Variants in HMGB1 observed in about 807,000 individuals in gnomAD.
The protein encoded by HMGB1 is high mobility group protein B1.
For missense variants in HMGB1, 79 were observed against 253.5 expected (o/e 0.31, Z 4.67); for synonymous variants, 81 against 84.0 (o/e 0.96, Z 0.19).
intron 1 of HMGB1, among the ~76,000 whole-genome samples, chr13:30,560,277 T>C (rs751067763): frequency 6.6e-6 from 1 of 151,930 alleles, no homozygotes; most frequent in Non-Finnish European, 1.5e-5. Flanking sequence ...CATGGTGGGG[T>C]GGTCAGCAGT....
chr13:30,464,252 T>TG (rs1886561051), intron 1 of HMGB1: 19 of 985,464 alleles, frequency 1.9e-5, no homozygotes, highest in South Asian at 9.4e-5. Flanking sequence ...GGAACCCGGT[T>TG]GGGGGGTGGC....
At chr13:30,614,907 T>C (rs1283000006) in intron 1 of HMGB1, among the ~76,000 whole-genome samples, 1 of 151,294 alleles carries the variant, frequency 6.6e-6, no homozygotes, top group African/African-American at 2.4e-5. Flanking sequence ...AGACGGGGTT[T>C]CACCATCTTG....
intron 1 of HMGB1, among the ~76,000 whole-genome samples, chr13:30,598,205 A>G (rs1871703240): frequency 6.6e-6 from 1 of 152,248 alleles, no homozygotes; most frequent in African/African-American, 2.4e-5. Context: ...GCTGTTTGTC[A>G]TCTCACAAAA....
rs533884534 is a variant in HMGB1, at chr13:30,530,445, T to C, written c.-14-66751A>G. On this transcript the variant is annotated intron_variant, in intron 1 of 4. Transcript: ENST00000405805. ...GTAGGGGAAAAGGAACTCATACATGTACTGCTGGGAATGTAAGTCAGTGCA... is the reference window on the plus strand; with the variant it reads ...GTAGGGGAAAAGGAACTCATACATGCACTGCTGGGAATGTAAGTCAGTGCA... Among the ~76,000 whole-genome samples the C allele has an allele frequency of 1.6e-4, 25 of 152,348 alleles. No homozygotes were observed. The South Asian group carries it at 4.8e-3, about 29-fold the overall frequency.
intron 1 of HMGB1, among the ~76,000 whole-genome samples, chr13:30,502,726 C>T (rs1002653243): frequency 3.3e-5 from 5 of 151,084 alleles, no homozygotes; most frequent in Admixed American, 6.6e-5. Context: ...TGGCACAATC[C>T]CGGCTCACTG....
intron 1 of HMGB1, among the ~76,000 whole-genome samples, chr13:30,574,368 G>C (rs1057366791): frequency 1.3e-5 from 2 of 152,168 alleles, no homozygotes; most frequent in Non-Finnish European, 2.9e-5. Flanking sequence ...CTGCTGGAAG[G>C]CTCATCTTAT....
chr13:30,462,264 T>C (rs1886395961), intron 4 of HMGB1: 4 of 449,120 alleles, frequency 8.9e-6, no homozygotes, highest in South Asian at 4.1e-5. Context: ...CATTTTTGAC[T>C]TGAAGTGACT....
chr13:30,591,714 C>G (rs1005445784), intron 1 of HMGB1, among the ~76,000 whole-genome samples: 2 of 151,984 alleles, frequency 1.3e-5, no homozygotes, highest in Admixed American at 1.3e-4. Flanking sequence ...GTTGCCCAGG[C>G]TGGTCTTTAA....
intron 1 of HMGB1, among the ~76,000 whole-genome samples, chr13:30,571,293 T>C (rs75242519): frequency 7.3e-6 from 1 of 137,238 alleles, no homozygotes; most frequent in Non-Finnish European, 1.6e-5. Context: ...AAAAAAATGG[T>C]TTTTTTTTTT....
At chr13:30,585,509 G>A (rs186834361) in intron 1 of HMGB1, among the ~76,000 whole-genome samples, 1 of 151,890 alleles carries the variant, frequency 6.6e-6, no homozygotes, top group East Asian at 1.9e-4. Context: ...CTAACACAGT[G>A]AAAAATGCAA....
intron 1 of HMGB1, among the ~76,000 whole-genome samples, chr13:30,598,670 G>A (rs1871722099): frequency 1.3e-5 from 2 of 152,166 alleles, no homozygotes; most frequent in Admixed American, 6.5e-5. Flanking sequence ...TGTAGGGTGG[G>A]GTGAAGAGGA....
At chr13:30,480,891 T>G (rs183560081) in intron 1 of HMGB1, among the ~76,000 whole-genome samples, 1 of 151,986 alleles carries the variant, frequency 6.6e-6, no homozygotes, top group East Asian at 1.9e-4. Flanking sequence ...AAGGCACTTA[T>G]TTCAACACTT....
At chr13:30,599,575 T>C (rs1871771336) in intron 1 of HMGB1, among the ~76,000 whole-genome samples, 1 of 152,234 alleles carries the variant, frequency 6.6e-6, no homozygotes, top group Non-Finnish European at 1.5e-5. Flanking sequence ...AAATCTAAGA[T>C]AAAGTTGTTG....
chr13:30,465,125 G>T, intron 1 of HMGB1: 1 of 968,364 alleles, frequency 1.0e-6, no homozygotes, highest in Non-Finnish European at 1.2e-6. Flanking sequence ...TTTCTCTCCA[G>T]CCAGCAGCGC....
At chr13:30,517,370 C>T (rs1888124065) in intron 1 of HMGB1, among the ~76,000 whole-genome samples, 1 of 152,228 alleles carries the variant, frequency 6.6e-6, no homozygotes, top group Non-Finnish European at 1.5e-5. Flanking sequence ...GGAAAAGCTG[C>T]ATAGGTGGTT....
At chr13:30,585,337 A>G (rs1287270987) in intron 1 of HMGB1, among the ~76,000 whole-genome samples, 1 of 151,380 alleles carries the variant, frequency 6.6e-6, no homozygotes, top group Non-Finnish European at 1.5e-5. Context: ...AAAACAGAAA[A>G]CAAAACAAAC....
chr13:30,463,971 A>G, intron 1 of HMGB1: 1 of 413,818 alleles, frequency 2.4e-6, no homozygotes, highest in African/African-American at 2.1e-5. Context: ...TATCCGCCCG[A>G]GTCTGCTCTG....
At chr13:30,604,697 G>A (rs1265444824) in intron 1 of HMGB1, among the ~76,000 whole-genome samples, 4 of 152,168 alleles carry the variant, frequency 2.6e-5, no homozygotes, top group Non-Finnish European at 5.9e-5. Flanking sequence ...TCGCTCTGTC[G>A]CCCGGGCTGG....
intron 1 of HMGB1, among the ~76,000 whole-genome samples, chr13:30,613,644 T>A (rs1566041154): frequency 6.6e-6 from 1 of 152,238 alleles, no homozygotes; most frequent in Non-Finnish European, 1.5e-5. Flanking sequence ...ATGCATATTA[T>A]GTATGTACAT....
Sources: allele counts gnomAD v4.1 joint callset (sites outside exome capture counted in the v4.1 genomes callset), GRCh38; gene constraint gnomAD v4.1.1; transcripts MANE v1.5; gene names NCBI Gene and HGNC (gene_info 2026-07-23, HGNC 2026-07-21).